LIG1: variants seen among roughly 807,000 people sequenced by gnomAD.
The protein encoded by LIG1 is ligase I, DNA, ATP-dependent.
LIG1 carries 70 observed loss-of-function variants against 115.7 expected under a neutral mutation model. The ratio of observed to expected loss-of-function variants is 0.60; its 90% CI spans 0.50 to 0.74. The LOEUF is 0.74. LIG1 is among the 30% of genes least tolerant of loss of function. The pLI is 0.00. For missense variants in LIG1, 1,115 were observed against 1,225.6 expected (o/e 0.91, Z 1.35); for synonymous variants, 487 against 495.3 (o/e 0.98, Z 0.22).
At chr19:48,121,038 A>C (rs2033230363) in intron 24 of LIG1, 132 bp downstream of exon 24, 2 of 1,532,168 alleles carry the variant, frequency 1.3e-6, no homozygotes, top group Admixed American at 2.0e-5. Context: ...AAAGTAAATA[A>C]AAACTGGGGA....
In LIG1 at chr19:48,133,033, A is replaced by C; in HGVS notation, c.1674T>G (p.Phe558Leu). Residue 558 changes from phenylalanine to leucine, a missense_variant, in exon 18 of 28, where the codon TTT becomes TTG. Phe to Leu is a conservative substitution (Grantham distance 22). Transcript: ENST00000263274. ...ATTCGCAGGTGAAAGCTGCCTCCTC[A>C]AAGCGTTTCAGGACCTCGCTGATGC... ...TRGISEVLKR[F>L]EEAAFTCEYK... The C allele has an allele frequency of 1.9e-6, 3 of 1,614,088 alleles. No homozygotes were observed. The highest frequency in any genetic ancestry group is 3.3e-4 in the Middle Eastern group (2 of 6,062).
At chr19:48,167,060 A>T (rs1599897585) in intron 1 of LIG1, among the ~76,000 whole-genome samples, 2 of 151,318 alleles carry the variant, frequency 1.3e-5, no homozygotes, top group African/African-American at 4.8e-5. Flanking sequence ...AGCAGAACTC[A>T]AGTGGTCTAT....
chr19:48,142,589 A>T (rs1158941129), intron 11 of LIG1, among the ~76,000 whole-genome samples: 1 of 152,112 alleles, frequency 6.6e-6, no homozygotes, highest in East Asian at 1.9e-4. Flanking sequence ...ACATGGACAC[A>T]TGTGGAAACG....
intron 18 of LIG1, 37 bp from the exon 19 acceptor site, chr19:48,131,208 G>A: frequency 6.7e-7 from 1 of 1,494,282 alleles, no homozygotes; most frequent in Non-Finnish European, 9.3e-7. Flanking sequence ...AATCAGCTGA[G>A]TCCCCTCATG....
intron 2 of LIG1, among the ~76,000 whole-genome samples, chr19:48,164,302 A>C (rs1267375982): frequency 6.6e-6 from 1 of 152,200 alleles, no homozygotes; most frequent in Non-Finnish European, 1.5e-5. Context: ...TCACGGGAGA[A>C]AAACGGAACC....
rs772946340 is a variant in LIG1, at chr19:48,117,648, G to C, written c.2573C>G (p.Ala858Gly). ...DLSLSPIYPA[A>G]RGLVDSDKGI... is the part of the protein sequence containing the mutation. ...TCCTCTGCCACTCACCAGGCCCCGC[G>C]CAGCAGGGTAGATGGGAGAGAGGGA... The change falls in exon 26 of 28, where the codon GCG becomes GGG. Residue 858 changes from alanine to glycine, a missense_variant. Physicochemically the swap from Ala to Gly is moderately conservative, Grantham distance 60. Transcript: ENST00000263274. The C allele has an allele frequency of 4.3e-6, 7 of 1,612,560 alleles. No individual in the cohort carries two copies. The highest frequency in any genetic ancestry group is 5.9e-6 in the Non-Finnish European group (7 of 1,179,628).
At chr19:48,166,615 C>G (rs1283325467) in intron 1 of LIG1, among the ~76,000 whole-genome samples, 3 of 152,070 alleles carry the variant, frequency 2.0e-5, no homozygotes, top group Non-Finnish European at 4.4e-5. Context: ...TTTAAAAAGT[C>G]TGTTATTTAA....
chr19:48,135,891 GC>G, intron 15 of LIG1, 112 bp from the exon 16 acceptor site: 1 of 928,772 alleles, frequency 1.1e-6, no homozygotes. Context: ...GGCCCAAGAC[GC>G]CCCCTCCCCC....
chr19:48,151,008 A>AT (rs918474436), intron 7 of LIG1, among the ~76,000 whole-genome samples: 1 of 151,932 alleles, frequency 6.6e-6, no homozygotes, highest in Non-Finnish European at 1.5e-5. Flanking sequence ...GCCTAGGAAG[A>AT]TTTTTTAAAG....
rs1427368123 is a variant in LIG1, at chr19:48,151,533, G to A, written c.467-194C>T. 1.6e-5 allele frequency: 8 copies of A among 502,050 alleles called. No homozygotes were observed. In the East Asian group the frequency reaches 1.7e-4, roughly 10 times the overall value. The allele number at this position is 502,050 out of a possible 1,614,324, so 31.1% of individuals were successfully genotyped here. ...CAACCTCTGCCTCCTGGGTTCATGC[G>A]ATTCTCCTGCCTCAGCCTCCCGAGT... On this transcript the variant is annotated intron_variant, in intron 6 of 27. Coordinates refer to ENST00000263274, the MANE Select transcript of LIG1 (RefSeq NM_000234.3).
In LIG1 at chr19:48,115,712, C is replaced by T. The variant is rs767070692; in HGVS notation, c.2697G>A (p.Lys899=). 2.5e-6 allele frequency: 4 copies of T among 1,614,184 alleles called. No homozygotes were observed. The highest frequency in any genetic ancestry group is 1.3e-5 in the African/African-American group (1 of 75,068). Residue 899 remains lysine (K), a synonymous_variant, in exon 28 of 28, where the codon AAG becomes AAA. Transcript: ENST00000263274. ...TSAQVACLYR[K]QSQIQNQQGE... Reference sequence around the variant, plus strand: ...CTTGTTGGTTCTGAATCTGACTTTGCTTCCGGTACAAACAGGCCACCTGCG... The same window carrying T: ...CTTGTTGGTTCTGAATCTGACTTTGTTTCCGGTACAAACAGGCCACCTGCG...
At chr19:48,121,119 G>T in intron 24 of LIG1, 51 bp downstream of exon 24, 1 of 1,613,694 alleles carries the variant, frequency 6.2e-7, no homozygotes. Context: ...ACCCCCGGGA[G>T]TCTAATCTCC....
intron 21 of LIG1, among the ~76,000 whole-genome samples, chr19:48,124,193 G>C (rs1372985177): frequency 6.6e-6 from 1 of 152,146 alleles, no homozygotes; most frequent in East Asian, 1.9e-4. Flanking sequence ...CCCTCCAGGG[G>C]GACATTCACG....
chr19:48,159,212 G>T (rs1429070098), intron 4 of LIG1, among the ~76,000 whole-genome samples: 1 of 152,078 alleles, frequency 6.6e-6, no homozygotes, highest in African/African-American at 2.4e-5. Flanking sequence ...CAAGTAGCTG[G>T]GACTACAGGC....
At chr19:48,125,257 A>C (rs1441690106) in intron 21 of LIG1, among the ~76,000 whole-genome samples, 1 of 152,210 alleles carries the variant, frequency 6.6e-6, no homozygotes, top group Non-Finnish European at 1.5e-5. Flanking sequence ...CTGAGCAGGG[A>C]TGATCAAATC....
In LIG1 at chr19:48,161,514, G is replaced by C. The variant is rs756647888; in HGVS notation, c.108-7C>G. 8 of 1,613,874 alleles carry C rather than the reference G, an allele frequency of 5.0e-6. No homozygotes were observed. In the East Asian group the frequency reaches 1.8e-4, roughly 36 times the overall value. The stretch of plus-strand genomic sequence containing the variant: ...CCACTCCTTCAGTGCCGCCCTGGAA[G>C]GTGGGGAAATGGGGGTGTAAAGGGG... On this transcript the variant is annotated splice_region_variant and splice_polypyrimidine_tract_variant and intron_variant, in intron 3 of 27. Transcript: ENST00000263274.
Position 48,122,997 on chromosome 19 carries a change from C to A in LIG1, c.2169G>T (p.Met723Ile). 6.2e-7 allele frequency: 1 copy of A among 1,613,778 alleles called. No homozygotes were observed. The highest frequency in any genetic ancestry group is 8.5e-7 in the Non-Finnish European group (1 of 1,179,982). Residue 723 changes from methionine to isoleucine, a missense_variant, in exon 23 of 28, where the codon ATG becomes ATT. Physicochemically the swap from Met to Ile is conservative, Grantham distance 10 (BLOSUM62 1). Coordinates refer to ENST00000263274, the MANE Select transcript of LIG1 (RefSeq NM_000234.3). The surrounding 1 kb of genome is among the most constrained non-coding windows in gnomAD (Gnocchi z 4.3). The stretch of plus-strand genomic sequence containing the variant: ...TGGCATCAACATCCAGGGTCTTCAC[C>A]ATCAGCCCCTCGCAGGAGTCTGAGG... ...QSVKDSCEGLMVKTLDVDATY... is the reference protein window; with the variant it reads ...QSVKDSCEGLIVKTLDVDATY...
Position 48,136,070 on chromosome 19 carries a change from G to T in LIG1, c.1387C>A (p.Leu463Ile). The change falls in exon 15 of 28, where the codon CTC becomes ATC. Residue 463 changes from leucine to isoleucine, a missense_variant. Transcript: ENST00000263274. Reference protein sequence around the residue: ...GLAEQSVLAALSQAVSLTPPG... With the variant: ...GLAEQSVLAAISQAVSLTPPG... ...GGCGTGAGGCTCACTGCCTGGGAGA[G>T]GGCAGCCAGCACCGACTGCTCTGCC... is the stretch of plus-strand genomic sequence containing the variant. 1 of 1,572,378 alleles carries T rather than the reference G, an allele frequency of 6.4e-7. No homozygotes were observed. The highest frequency in any genetic ancestry group is 1.2e-5 in the South Asian group (1 of 85,550).
chr19:48,157,234 C>G (rs1340091057), intron 4 of LIG1, 94 bp from the exon 5 acceptor site: 20 of 1,370,098 alleles, frequency 1.5e-5, no homozygotes, highest in Admixed American at 6.3e-5. Context: ...ACCTCTCTGT[C>G]TACCCTCCTT....
Sources: allele counts gnomAD v4.1 joint callset (sites outside exome capture counted in the v4.1 genomes callset), GRCh38; gene constraint gnomAD v4.1.1; non-coding constraint Gnocchi (gnomAD v3.1); transcripts MANE v1.5; gene names NCBI Gene and HGNC (gene_info 2026-07-23, HGNC 2026-07-21).